The following LIPI variants were observed in gnomAD, a reference collection of about 807,000 sequenced individuals.
The protein encoded by LIPI is lipase member I.
In LIPI, 59 loss-of-function variants were observed where a neutral mutation model predicts 50.6. The observed-to-expected ratio is 1.16, with a 90% CI of 0.94 to 1.45. LIPI has a LOEUF of 1.45. Ranked by LOEUF, LIPI falls within the 40% of genes most tolerant of loss-of-function variation. The pLI is 0.00. For synonymous variants in LIPI, 203 were observed against 178.2 expected, an observed-to-expected ratio of 1.14 and a Z score of -1.11; for missense variants, 586 against 536.3, an observed-to-expected ratio of 1.09 and a Z score of -0.92.
intron 1 of LIPI, among the ~76,000 whole-genome samples, chr21:14,194,869 A>G (rs1444549229): frequency 6.6e-6 from 1 of 152,218 alleles, no homozygotes. Context: ...TAAGAATCCA[A>G]TTCCTGTCAT....
rs973167086 is a variant in LIPI at position 14,191,752 on chromosome 21, G to A, written c.47-2333C>T. On this transcript the variant is annotated intron_variant, in intron 1 of 9. Coordinates refer to ENST00000681601, the MANE Select transcript of LIPI (RefSeq NM_001302998.2). ...CTTGATATGGACACAAATGTAGGGC[G>A]TGCCCTAGAAAATAGAACCTTAGGA... 8.5e-5 allele frequency among the ~76,000 whole-genome samples: 13 copies of A among 152,138 alleles called. 1 individual carries two copies. The highest frequency in any genetic ancestry group is 5.2e-4 in the Admixed American group (8 of 15,268).
intron 9 of LIPI, among the ~76,000 whole-genome samples, chr21:14,140,679 T>A (rs2017674208): frequency 6.6e-6 from 1 of 152,136 alleles, no homozygotes; most frequent in South Asian, 2.1e-4. Flanking sequence ...CTTTTTCACT[T>A]GTCATTTATT....
chr21:14,174,365 T>C (rs2019019249), intron 4 of LIPI, among the ~76,000 whole-genome samples: 2 of 151,866 alleles, frequency 1.3e-5, no homozygotes, highest in South Asian at 4.2e-4. Context: ...AAAAAGAACA[T>C]TAAACATAAA....
intron 9 of LIPI, among the ~76,000 whole-genome samples, chr21:14,128,204 T>C (rs2017143247): frequency 6.6e-6 from 1 of 152,064 alleles, no homozygotes; most frequent in African/African-American, 2.4e-5. Context: ...TATGAGTAAA[T>C]ATAACAAAAT....
chr21:14,110,525 T>C (rs995446638), intron 9 of LIPI, among the ~76,000 whole-genome samples: 2 of 151,986 alleles, frequency 1.3e-5, no homozygotes, highest in African/African-American at 4.8e-5. Flanking sequence ...GAATATAATA[T>C]TTTGTTATTA....
At chr21:14,126,618 A>G (rs2017076891) in intron 9 of LIPI, among the ~76,000 whole-genome samples, 1 of 152,176 alleles carries the variant, frequency 6.6e-6, no homozygotes, top group Non-Finnish European at 1.5e-5. Flanking sequence ...GCAACTATTT[A>G]TATATCATTT....
chr21:14,132,047 A>C lies in LIPI; in HGVS notation c.1295+12576T>G, dbSNP rs143217171. On this transcript the variant is annotated intron_variant, in intron 9 of 9. Coordinates refer to ENST00000681601, the MANE Select transcript of LIPI (RefSeq NM_001302998.2). The stretch of plus-strand genomic sequence containing the variant: ...AACAAGCAAATAAACAAACAAAAAA[A>C]CAAAGCCTTTAACATCTTTTACTAC... Among the ~76,000 whole-genome samples, 469 of 152,332 alleles carry C rather than the reference A, an allele frequency of 3.1e-3. 4 individuals carry two copies. The highest frequency in any genetic ancestry group is 7.4e-3 in the African/African-American group (308 of 41,580).
At chr21:14,109,421 T>G (rs558777731) in intron 9 of LIPI, among the ~76,000 whole-genome samples, 3 of 152,118 alleles carry the variant, frequency 2.0e-5, no homozygotes, top group Non-Finnish European at 2.9e-5. Flanking sequence ...TCCATCATGA[T>G]GGTCACCAGA....
intron 7 of LIPI, among the ~76,000 whole-genome samples, chr21:14,163,110 C>G: frequency 7.1e-6 from 1 of 141,366 alleles, no homozygotes; most frequent in East Asian, 2.1e-4. Context: ...ATATATATAT[C>G]ATAGGCTCCT....
intron 8 of LIPI, 117 bp downstream of exon 8, chr21:14,152,448 ATTTAACAT>A: frequency 1.6e-6 from 1 of 611,420 alleles, no homozygotes; most frequent in Non-Finnish European, 2.9e-6. Context: ...TCCTTTTAAT[ATTTAACAT>A]TTTAAGACTC....
intron 8 of LIPI, among the ~76,000 whole-genome samples, chr21:14,151,903 T>C (rs2018105463): frequency 6.6e-6 from 1 of 151,928 alleles, no homozygotes; most frequent in African/African-American, 2.4e-5. Flanking sequence ...GGAATAGTTC[T>C]CTGAAACACT....
chr21:14,208,094 G>A (rs2123361712), intron 1 of LIPI, among the ~76,000 whole-genome samples: 1 of 152,162 alleles, frequency 6.6e-6, no homozygotes, highest in South Asian at 2.1e-4. Flanking sequence ...AATTAATCGT[G>A]GATCATATCA....
At chr21:14,206,721 C>T in intron 1 of LIPI, 1 of 744,886 alleles carries the variant, frequency 1.3e-6, no homozygotes, top group Non-Finnish European at 2.3e-6. Flanking sequence ...AGTTTATATT[C>T]AGCTATCACT....
chr21:14,150,364 TG>T (rs1257271065), intron 8 of LIPI, among the ~76,000 whole-genome samples: 1 of 152,228 alleles, frequency 6.6e-6, no homozygotes, highest in Non-Finnish European at 1.5e-5. Context: ...GTTCCCTGAC[TG>T]TATTGCCTTG....
intron 7 of LIPI, among the ~76,000 whole-genome samples, chr21:14,160,175 A>T (rs2018413085): frequency 1.3e-5 from 2 of 151,396 alleles, no homozygotes; most frequent in South Asian, 4.1e-4. Context: ...ATCTAAAATA[A>T]TCATGACAAA....
chr21:14,210,847 T>C lies in LIPI; in HGVS notation c.-2A>G, dbSNP rs2020345268. 1.5e-5 allele frequency: 19 copies of C among 1,233,654 alleles called. No homozygotes were observed. The highest frequency in any genetic ancestry group is 2.0e-5 in the Non-Finnish European group (19 of 960,332). 76.4% of individuals were successfully genotyped at this position (1,233,654 alleles called of 1,614,324 possible). A position where few individuals can be genotyped will look rare whatever the true frequency, so the allele number is the denominator to read the frequency against. On this transcript the variant is annotated 5_prime_UTR_variant, in exon 1 of 10. Coordinates refer to ENST00000681601, the MANE Select transcript of LIPI (RefSeq NM_001302998.2). ...ACAAAGAAAAATGTATACTCTCATT[T>C]GGAATCTGAGAAAAGCAAAAACAGC...
chr21:14,195,071 A>T (rs1014894172), intron 1 of LIPI, among the ~76,000 whole-genome samples: 1 of 152,126 alleles, frequency 6.6e-6, no homozygotes, highest in African/African-American at 2.4e-5. Flanking sequence ...CTGCTGTGTA[A>T]AAAGGGCTCA....
intron 3 of LIPI, among the ~76,000 whole-genome samples, chr21:14,185,255 G>C (rs2019412004): frequency 6.6e-6 from 1 of 152,084 alleles, no homozygotes; most frequent in Non-Finnish European, 1.5e-5. Flanking sequence ...TTCTTTTGTA[G>C]CATTCAAGTA....
chr21:14,188,221 C>A (rs1462885415), intron 2 of LIPI, among the ~76,000 whole-genome samples: 1 of 152,132 alleles, frequency 6.6e-6, no homozygotes, highest in Non-Finnish European at 1.5e-5. Flanking sequence ...TTATTTGATC[C>A]ATTCAAATCC....
Sources: gnomAD v4.1 joint callset for allele counts (sites outside exome capture counted in the v4.1 genomes callset) on GRCh38, gnomAD v4.1.1 for gene constraint, MANE v1.5 for transcripts, NCBI Gene and HGNC (gene_info 2026-07-23, HGNC 2026-07-21) for gene names.